The following PARD3 variants were observed in gnomAD, a reference collection of about 807,000 sequenced individuals.
PARD3 encodes the protein partitioning defective 3 homolog.
In PARD3, 75 loss-of-function variants were observed where a neutral mutation model predicts 155.4. That is an observed-to-expected ratio of 0.48 (90% CI 0.40 to 0.58). The LOEUF (loss-of-function observed/expected upper bound fraction) is 0.58. Among genes scored for constraint, PARD3 ranks in the 20% least tolerant of loss-of-function variants. The probability of loss-of-function intolerance (pLI) is 0.00; values close to 1 mark genes in which losing one functional copy is unlikely to be tolerated. For missense variants in PARD3, 1,642 were observed against 1,721.7 expected, an observed-to-expected ratio of 0.95 and a Z score of 0.82; for synonymous variants, 576 against 610.5, an observed-to-expected ratio of 0.94 and a Z score of 0.83.
At chr10:34,495,726 T>C (rs957725960) in intron 3 of PARD3, among the ~76,000 whole-genome samples, 1 of 151,962 alleles carries the variant, frequency 6.6e-6, no homozygotes, top group African/African-American at 2.4e-5. Flanking sequence ...TAGAGGGGTC[T>C]GGTTATTCAA....
intron 22 of PARD3, among the ~76,000 whole-genome samples, chr10:34,250,669 A>T (rs1182580345): frequency 2.4e-5 from 2 of 82,344 alleles, no homozygotes; most frequent in East Asian, 4.5e-4. Context: ...AGCTGGAAAT[A>T]AAAAAAAAAA....
intron 2 of PARD3, among the ~76,000 whole-genome samples, chr10:34,571,406 A>C (rs1448761403): frequency 2.6e-5 from 4 of 152,214 alleles, no homozygotes; most frequent in Non-Finnish European, 4.4e-5. Context: ...TATGCTGCTG[A>C]TGATAGTAAA....
intron 18 of PARD3, among the ~76,000 whole-genome samples, chr10:34,333,872 T>C (rs1168203534): frequency 6.6e-6 from 1 of 152,022 alleles, no homozygotes; most frequent in East Asian, 1.9e-4. Flanking sequence ...ACAAAGGTTT[T>C]GAATGATATG....
intron 22 of PARD3, among the ~76,000 whole-genome samples, chr10:34,243,257 T>C (rs1448535383): frequency 6.6e-6 from 1 of 152,192 alleles, no homozygotes; most frequent in Non-Finnish European, 1.5e-5. Context: ...TCATCCCACC[T>C]GATGCCCACA....
intron 1 of PARD3, among the ~76,000 whole-genome samples, chr10:34,813,282 G>A (rs1181529987): frequency 1.5e-5 from 2 of 135,838 alleles, no homozygotes; most frequent in South Asian, 2.5e-4. Flanking sequence ...GAGCCTAGAC[G>A]TACTGCAGAG....
intron 7 of PARD3, 145 bp downstream of exon 7, chr10:34,399,185 A>G: frequency 1.6e-6 from 1 of 641,224 alleles, no homozygotes; most frequent in Admixed American, 2.6e-5. Context: ...TATGACATAT[A>G]TATAGGAATG....
intron 19 of PARD3, among the ~76,000 whole-genome samples, chr10:34,325,057 T>G (rs1354554364): frequency 6.6e-6 from 1 of 152,136 alleles, no homozygotes; most frequent in Non-Finnish European, 1.5e-5. Context: ...TCGCCCAAGC[T>G]GGAGTGTAGT....
intron 2 of PARD3, among the ~76,000 whole-genome samples, chr10:34,644,400 T>C (rs543248456): frequency 6.6e-6 from 1 of 152,320 alleles, no homozygotes; most frequent in South Asian, 2.1e-4. Flanking sequence ...GCTCCGACAG[T>C]TCTCTGAAAT....
intron 1 of PARD3, among the ~76,000 whole-genome samples, chr10:34,749,624 A>G (rs1213076832): frequency 6.6e-6 from 1 of 152,186 alleles, no homozygotes; most frequent in East Asian, 1.9e-4. Context: ...AAAAAGTGAC[A>G]AAAAAGAAGA....
chr10:34,515,565 A>G (rs1162666962), intron 3 of PARD3, among the ~76,000 whole-genome samples: 1 of 151,934 alleles, frequency 6.6e-6, no homozygotes, highest in African/African-American at 2.4e-5. Context: ...AATTCTCTAC[A>G]CTCTGTATGG....
chr10:34,755,749 T>A (rs890109128), intron 1 of PARD3, among the ~76,000 whole-genome samples: 2 of 144,396 alleles, frequency 1.4e-5, no homozygotes, highest in Non-Finnish European at 3.0e-5. Flanking sequence ...AAACATTCCA[T>A]CCTAAGCATA....
rs535198788 is a variant in PARD3, at chr10:34,763,257, A to G, written c.120+51619T>C. Among the ~76,000 whole-genome samples the G allele has an allele frequency of 5.9e-5, 9 of 152,346 alleles. No individual in the cohort carries two copies. The East Asian group carries it at 1.4e-3, about 23-fold the overall frequency. ...TCAGAAATTTGTCTATAATTTTCTG[A>G]GCCTTGAGCTCATAAACACAAAGTA... On this transcript the variant is annotated intron_variant, in intron 1 of 24. Transcript: ENST00000374788.
At chr10:34,765,629 G>C (rs1416620911) in intron 1 of PARD3, among the ~76,000 whole-genome samples, 1 of 150,316 alleles carries the variant, frequency 6.7e-6, no homozygotes, top group African/African-American at 2.5e-5. Context: ...AGTAAGCTGA[G>C]ATCACACCAC....
In PARD3 at chr10:34,483,071, G is replaced by A. The variant is rs537940273; in HGVS notation, c.404-12808C>T. ...CTCAGGAGGTTGAGGCAGGAGAATA[G>A]CTTGAATCTGGGAGGCAGAGGTTTC... On this transcript the variant is annotated intron_variant, in intron 3 of 24. Coordinates refer to ENST00000374788, the MANE Select transcript of PARD3 (RefSeq NM_001184785.2). 6.6e-5 allele frequency among the ~76,000 whole-genome samples: 10 copies of A among 152,162 alleles called. No individual in the cohort carries two copies. In the South Asian group the frequency reaches 2.1e-3, roughly 32 times the overall value.
At chr10:34,503,722 C>T (rs1016553064) in intron 3 of PARD3, among the ~76,000 whole-genome samples, 2 of 152,212 alleles carry the variant, frequency 1.3e-5, no homozygotes, top group East Asian at 1.9e-4. Flanking sequence ...TGACTTATAG[C>T]GGCTGTTTAA....
chr10:34,451,773 G>GT (rs5784419), intron 4 of PARD3, among the ~76,000 whole-genome samples: 48,812 of 141,204 alleles, frequency 0.35, 8,254 homozygotes, highest in East Asian at 0.42. Context: ...TTAGCAGCAA[G>GT]TTTTTTTTTT....
chr10:34,379,590 T>C (rs2134715402), intron 9 of PARD3, among the ~76,000 whole-genome samples: 1 of 152,240 alleles, frequency 6.6e-6, no homozygotes, highest in Admixed American at 6.5e-5. Context: ...CTATGAATGC[T>C]GACTGTTGTA....
At chr10:34,407,839 A>T (rs1844652242) in intron 5 of PARD3, among the ~76,000 whole-genome samples, 1 of 93,332 alleles carries the variant, frequency 1.1e-5, no homozygotes, top group Admixed American at 9.5e-5. Flanking sequence ...ATGCCTAAAA[A>T]AAAAAGAAAA....
chr10:34,356,123 C>T (rs1838851427), intron 14 of PARD3, among the ~76,000 whole-genome samples: 1 of 151,964 alleles, frequency 6.6e-6, no homozygotes, highest in Admixed American at 6.6e-5. Flanking sequence ...CTGCAGATTC[C>T]TGGAAGGCTA....
Sources: gnomAD v4.1 joint callset for allele counts (sites outside exome capture counted in the v4.1 genomes callset) on GRCh38, gnomAD v4.1.1 for gene constraint, MANE v1.5 for transcripts, NCBI Gene and HGNC (gene_info 2026-07-23, HGNC 2026-07-21) for gene names.